Variants in PLEKHA6 observed in about 807,000 individuals in gnomAD.
PLEKHA6 encodes the protein pleckstrin homology domain containing A6.
PLEKHA6 carries 60 observed loss-of-function variants against 116.7 expected under a neutral mutation model. That is an observed-to-expected ratio of 0.51 (90% CI 0.42 to 0.64). The LOEUF (loss-of-function observed/expected upper bound fraction) is 0.64, where lower values mean the gene tolerates loss of function less well. Among genes scored for constraint, PLEKHA6 ranks in the 30% least tolerant of loss-of-function variants. PLEKHA6 has a pLI of 0.00. For missense variants in PLEKHA6, 1,338 were observed against 1,422.7 expected, an observed-to-expected ratio of 0.94 and a Z score of 0.96; for synonymous variants, 489 against 556.1, an observed-to-expected ratio of 0.88 and a Z score of 1.70.
At chr1:204,328,299 C>G (rs1672321118) in intron 1 of PLEKHA6, among the ~76,000 whole-genome samples, 1 of 151,476 alleles carries the variant, frequency 6.6e-6, no homozygotes, top group African/African-American at 2.4e-5. Flanking sequence ...CCAGGCTGGT[C>G]TCAAACTCCC....
chr1:204,254,062 G>A (rs1168375068), intron 9 of PLEKHA6, among the ~76,000 whole-genome samples: 2 of 152,218 alleles, frequency 1.3e-5, no homozygotes, highest in East Asian at 1.9e-4. Context: ...TGGGTGACAG[G>A]GAGGATAGCT....
chr1:204,301,880 A>G (rs1215496980), intron 1 of PLEKHA6, among the ~76,000 whole-genome samples: 2 of 152,228 alleles, frequency 1.3e-5, no homozygotes, highest in South Asian at 2.1e-4. Flanking sequence ...GGACTTACTG[A>G]TGATTATTAT....
In PLEKHA6 at chr1:204,222,508, T is replaced by C. The variant is rs1192876840; in HGVS notation, c.*280A>G. 6.5e-6 allele frequency: 1 copy of C among 152,814 alleles called. No individual in the cohort carries two copies. The highest frequency in any genetic ancestry group is 2.4e-5 in the African/African-American group (1 of 41,460). 9.5% of individuals were successfully genotyped at this position (152,814 alleles called of 1,614,324 possible). ...CCTGTGACTTGGACATTAATGAGGA[T>C]GGTGCTCCCCACTGTCATCTCAGGC... On this transcript the variant is annotated 3_prime_UTR_variant, in exon 23 of 23. Transcript: ENST00000272203.
Position 204,314,881 on chromosome 1 carries a change from A to G in PLEKHA6, c.-94-40072T>C, listed in dbSNP as rs181146067. Among the ~76,000 whole-genome samples, 139 of 152,278 alleles carry G rather than the reference A, an allele frequency of 9.1e-4. 1 individual carries two copies. Among genetic ancestry groups the G allele is most frequent in the Non-Finnish European group, 1.5e-3 (102 of 68,030 alleles). On this transcript the variant is annotated intron_variant, in intron 1 of 22. Coordinates refer to ENST00000272203, the MANE Select transcript of PLEKHA6 (RefSeq NM_014935.5). ...CTCAGGGATGGATCTAGGTCTTCTAATTCCACAGGGGCTTCAGTGACTCCA... is the reference window on the plus strand; with the variant it reads ...CTCAGGGATGGATCTAGGTCTTCTAGTTCCACAGGGGCTTCAGTGACTCCA...
intron 3 of PLEKHA6, among the ~76,000 whole-genome samples, chr1:204,272,899 C>T (rs1667617748): frequency 6.6e-6 from 1 of 152,152 alleles, no homozygotes; most frequent in African/African-American, 2.4e-5. Flanking sequence ...TGATATACTA[C>T]CATTTGTTTT....
chr1:204,353,095 C>T (rs1354406557), intron 1 of PLEKHA6, among the ~76,000 whole-genome samples: 1 of 152,210 alleles, frequency 6.6e-6, no homozygotes, highest in Non-Finnish European at 1.5e-5. Flanking sequence ...GCCAGGCTCC[C>T]AAGTTCTACC....
At chr1:204,241,097 C>T (rs142467023) in intron 17 of PLEKHA6, among the ~76,000 whole-genome samples, 4 of 152,302 alleles carry the variant, frequency 2.6e-5, no homozygotes, top group African/African-American at 9.6e-5. Flanking sequence ...TAAGTTAATA[C>T]TTACTAAACT....
chr1:204,373,811 G>A (rs540151682), intron 1 of PLEKHA6, among the ~76,000 whole-genome samples: 12 of 152,104 alleles, frequency 7.9e-5, no homozygotes, highest in Admixed American at 6.5e-5. Flanking sequence ...CCTCTGATAA[G>A]CAGAGAAAAA....
chr1:204,317,237 C>T (rs1485597818), intron 1 of PLEKHA6: 1 of 977,134 alleles, frequency 1.0e-6, no homozygotes, highest in Non-Finnish European at 1.2e-6. Context: ...TAAAGAGGCC[C>T]TCAGGGACAG....
intron 18 of PLEKHA6, among the ~76,000 whole-genome samples, 183 bp from the exon 19 acceptor site, chr1:204,229,287 G>C (rs910776555): frequency 6.6e-6 from 1 of 152,180 alleles, no homozygotes; most frequent in African/African-American, 2.4e-5. Flanking sequence ...CTGCCCACCT[G>C]CTAGGCCCCA....
intron 6 of PLEKHA6, among the ~76,000 whole-genome samples, chr1:204,263,871 C>T (rs1192344561): frequency 6.6e-6 from 1 of 152,108 alleles, no homozygotes; most frequent in African/African-American, 2.4e-5. Context: ...TCTCTTCACA[C>T]CTCTGGCATA....
At position 204,238,710 on chromosome 1, in the gene PLEKHA6, T is replaced by C. The variant is rs944122976; in HGVS notation, c.2409+2665A>G. Among the ~76,000 whole-genome samples the C allele has an allele frequency of 9.2e-5, 14 of 152,182 alleles. No homozygotes were observed. Among genetic ancestry groups the C allele is most frequent in the Admixed American group, 2.0e-4 (3 of 15,276 alleles). ...ACTGATGGACTCATGGGGAGTTCCC[T>C]ATGATCAGTTGACAGAGGAAGAGAA... On this transcript the variant is annotated intron_variant, in intron 17 of 22. Transcript: ENST00000272203. The surrounding 1 kb of genome is among the most constrained non-coding windows in gnomAD (Gnocchi z 4.2).
intron 1 of PLEKHA6, chr1:204,275,062 G>A (rs965897334): frequency 1.0e-5 from 4 of 381,248 alleles, no homozygotes; most frequent in Non-Finnish European, 1.4e-5. Flanking sequence ...AGTTCTCTGA[G>A]GCTGGAAATA....
At chr1:204,336,331 C>T (rs2103294039) in intron 1 of PLEKHA6, among the ~76,000 whole-genome samples, 1 of 152,360 alleles carries the variant, frequency 6.6e-6, no homozygotes, top group East Asian at 1.9e-4. Context: ...CCCTGGCTCA[C>T]AAACCTGCAG....
At chr1:204,331,285 C>T (rs910063173) in intron 1 of PLEKHA6, among the ~76,000 whole-genome samples, 5 of 151,940 alleles carry the variant, frequency 3.3e-5, no homozygotes, top group African/African-American at 1.2e-4. Flanking sequence ...GCCTTTCTGC[C>T]TGCATTAGGT....
intron 1 of PLEKHA6, chr1:204,311,583 A>G (rs767721916): frequency 8.2e-6 from 8 of 976,544 alleles, no homozygotes; most frequent in Non-Finnish European, 9.7e-6. Flanking sequence ...AAAAAAAACT[A>G]ATGATAACTG....
intron 12 of PLEKHA6, among the ~76,000 whole-genome samples, chr1:204,248,513 A>G (rs1465264645): frequency 6.6e-6 from 1 of 152,212 alleles, no homozygotes; most frequent in African/African-American, 2.4e-5. Flanking sequence ...AGTGGGCAGC[A>G]GAGGTGTTAG....
In PLEKHA6 at chr1:204,274,791, GT is replaced by G; in HGVS notation, c.-77del. 1 of 985,810 alleles carries G rather than the reference GT, an allele frequency of 1.0e-6. No homozygotes were observed. The highest frequency in any genetic ancestry group is 1.2e-6 in the Non-Finnish European group (1 of 829,896). 61.1% of individuals were successfully genotyped at this position (985,810 alleles called of 1,614,324 possible). On this transcript the variant is annotated 5_prime_UTR_variant, in exon 2 of 23. The change abolishes the stop of an existing upstream ORF in the 5' untranslated region. Coordinates refer to ENST00000272203, the MANE Select transcript of PLEKHA6 (RefSeq NM_014935.5). ...GGCCAGTCACTGGGTGTAGAAATGT[GT>G]TCCGTCTTTCATTGTGGCTGTAGAG... is the stretch of plus-strand genomic sequence containing the variant.
At chr1:204,343,546 C>G (rs1387240826) in intron 1 of PLEKHA6, among the ~76,000 whole-genome samples, 1 of 152,130 alleles carries the variant, frequency 6.6e-6, no homozygotes, top group South Asian at 2.1e-4. Context: ...TACGCTCTCC[C>G]CATACTTGCC....
Sources: allele counts gnomAD v4.1 joint callset (sites outside exome capture counted in the v4.1 genomes callset), GRCh38; gene constraint gnomAD v4.1.1; non-coding constraint Gnocchi (gnomAD v3.1); transcripts MANE v1.5; gene names NCBI Gene and HGNC (gene_info 2026-07-23, HGNC 2026-07-21).